Variants in NBEA observed in about 807,000 individuals in gnomAD.
NBEA encodes lysosomal-trafficking regulator 2.
A neutral mutation model predicts 343.4 loss-of-function variants in NBEA; 44 were observed. The observed-to-expected ratio is 0.13, with a 90% confidence interval of 0.10 to 0.16. NBEA has a LOEUF of 0.16. Among genes scored for constraint, NBEA ranks in the 10% least tolerant of loss-of-function variants. NBEA has a pLI of 1.00. For missense variants in NBEA, 2,555 were observed against 3,631.3 expected, an observed-to-expected ratio of 0.70 and a Z score of 7.62; for synonymous variants, 1,175 against 1,238.7, an observed-to-expected ratio of 0.95 and a Z score of 1.08.
At chr13:35,136,274 T>G (rs948276797) in intron 17 of NBEA, among the ~76,000 whole-genome samples, 5 of 152,200 alleles carry the variant, frequency 3.3e-5, no homozygotes, top group African/African-American at 1.2e-4. Context: ...ATTAGAGTGA[T>G]AGGAATTGAT....
At chr13:35,652,888 G>T (rs2084625166) in intron 53 of NBEA, among the ~76,000 whole-genome samples, 1 of 150,006 alleles carries the variant, frequency 6.7e-6, no homozygotes, top group African/African-American at 2.5e-5. Flanking sequence ...TGGAGTCAGG[G>T]TTTCACCGTG....
In NBEA at chr13:35,007,308, T is replaced by TA. The variant is rs539274154; in HGVS notation, c.295-33624dup. 2.4e-3 allele frequency among the ~76,000 whole-genome samples: 358 copies of TA among 152,310 alleles called. 2 individuals carry two copies. The highest frequency in any genetic ancestry group is 3.4e-3 in the Non-Finnish European group (229 of 68,032). On this transcript the variant is annotated intron_variant, in intron 1 of 58. Transcript: ENST00000379939. ...CCCTCTGTTTTTATCCTTATGTCCT[T>TA]ACTATGTCCATATGACTGAATTTTT...
At position 35,671,131 on chromosome 13, in the gene NBEA, G is replaced by A. The variant is rs1566489979; in HGVS notation, c.*140G>A. The A allele has an allele frequency of 3.3e-6, 2 of 599,432 alleles. No individual in the cohort carries two copies. Among genetic ancestry groups the A allele is most frequent in the Non-Finnish European group, 5.9e-6 (2 of 337,360 alleles). The allele number at this position is 599,432 out of a possible 1,614,324, so 37.1% of individuals were successfully genotyped here. On this transcript the variant is annotated 3_prime_UTR_variant, in exon 59 of 59. Coordinates refer to ENST00000379939, the MANE Select transcript of NBEA (RefSeq NM_001385012.1). ...TCACACCCAGCAATAGCTGTACATT[G>A]TAGTCAGCAACCATTTTACTTTGTG...
chr13:34,982,269 T>C (rs1191632036), intron 1 of NBEA, among the ~76,000 whole-genome samples: 1 of 152,026 alleles, frequency 6.6e-6, no homozygotes, highest in Non-Finnish European at 1.5e-5. Context: ...AGTGTTGTTT[T>C]TGAAGGCATT....
Position 35,085,636 on chromosome 13 carries a change from G to T in NBEA, c.1572-12661G>T, listed in dbSNP as rs190630191. Among the ~76,000 whole-genome samples, 21 of 152,124 alleles carry T rather than the reference G, an allele frequency of 1.4e-4. No homozygotes were observed. The East Asian group carries it at 3.9e-3, about 28-fold the overall frequency. On this transcript the variant is annotated intron_variant, in intron 10 of 58. Coordinates refer to ENST00000379939, the MANE Select transcript of NBEA (RefSeq NM_001385012.1). Reference sequence around the variant, plus strand: ...CCCACAGCCAATATCATACTGAATGGGCAAAAACTGGAATCATTCCCTTTG... The same window carrying T: ...CCCACAGCCAATATCATACTGAATGTGCAAAAACTGGAATCATTCCCTTTG...
At chr13:35,336,670 A>G (rs910447447) in intron 36 of NBEA, among the ~76,000 whole-genome samples, 1 of 152,112 alleles carries the variant, frequency 6.6e-6, no homozygotes, top group African/African-American at 2.4e-5. Flanking sequence ...CGGTACATAT[A>G]CACTGTATTA....
At chr13:34,996,740 TAGGAAGACTCACTATTAA>T (rs1436248727) in intron 1 of NBEA, among the ~76,000 whole-genome samples, 2 of 152,070 alleles carry the variant, frequency 1.3e-5, no homozygotes, top group Non-Finnish European at 2.9e-5. Context: ...GATTTTGTTT[TAGGAAGACTCACTATTAA>T]ATGTGTGTGT....
At chr13:35,536,707 G>T (rs189788710) in intron 41 of NBEA, among the ~76,000 whole-genome samples, 27 of 152,280 alleles carry the variant, frequency 1.8e-4, no homozygotes, top group Non-Finnish European at 3.5e-4. Context: ...GATTCTGGTG[G>T]TCTCCAAGGT....
chr13:35,595,887 AT>A (rs775229546), intron 47 of NBEA, among the ~76,000 whole-genome samples: 8 of 150,214 alleles, frequency 5.3e-5, no homozygotes, highest in East Asian at 2.0e-4. Context: ...TTTAGTTTGC[AT>A]TTTTTTTTGA....
chr13:35,449,901 C>T (rs573603513), intron 39 of NBEA, among the ~76,000 whole-genome samples: 10 of 152,130 alleles, frequency 6.6e-5, no homozygotes, highest in East Asian at 3.9e-4. Flanking sequence ...ATTTAAGGTA[C>T]GCATTAACCA....
At chr13:35,093,623 G>T (rs2065192290) in intron 10 of NBEA, among the ~76,000 whole-genome samples, 1 of 151,954 alleles carries the variant, frequency 6.6e-6, no homozygotes, top group Non-Finnish European at 1.5e-5. Context: ...ATTAGAGTAT[G>T]CATAAATAGT....
At chr13:35,389,139 C>A (rs766385012) in intron 38 of NBEA, among the ~76,000 whole-genome samples, 7 of 151,458 alleles carry the variant, frequency 4.6e-5, no homozygotes, top group Non-Finnish European at 1.0e-4. Context: ...GAAATCAATT[C>A]TTGGTCTAAC....
At chr13:35,381,691 C>A (rs1267409638) in intron 38 of NBEA, among the ~76,000 whole-genome samples, 1 of 151,998 alleles carries the variant, frequency 6.6e-6, no homozygotes, top group African/African-American at 2.4e-5. Context: ...CTGGTTCTAC[C>A]TGGTTCTGTA....
At chr13:35,483,309 G>A (rs2076188222) in intron 41 of NBEA, among the ~76,000 whole-genome samples, 1 of 151,834 alleles carries the variant, frequency 6.6e-6, no homozygotes, top group African/African-American at 2.4e-5. Context: ...AACATTTGAG[G>A]CATATTTGTA....
chr13:34,953,119 GTTATC>G (rs1220824659), intron 1 of NBEA, among the ~76,000 whole-genome samples: 1 of 152,124 alleles, frequency 6.6e-6, no homozygotes, highest in African/African-American at 2.4e-5. Flanking sequence ...TATGACCTAT[GTTATC>G]TTATTTAATC....
chr13:35,532,825 A>G (rs2078331566), intron 41 of NBEA, among the ~76,000 whole-genome samples: 1 of 152,126 alleles, frequency 6.6e-6, no homozygotes, highest in South Asian at 2.1e-4. Flanking sequence ...GTTTCAGTTT[A>G]CTAAGTTGCA....
intron 20 of NBEA, among the ~76,000 whole-genome samples, chr13:35,156,769 G>A (rs1186783100): frequency 6.6e-6 from 1 of 152,122 alleles, no homozygotes; most frequent in Admixed American, 6.6e-5. Flanking sequence ...AAACCATAAA[G>A]CAATGATTAA....
intron 41 of NBEA, among the ~76,000 whole-genome samples, chr13:35,512,825 C>T (rs2077329871): frequency 6.6e-6 from 1 of 152,152 alleles, no homozygotes; most frequent in African/African-American, 2.4e-5. Flanking sequence ...AGGTACCTTG[C>T]GGTCCTCATA....
chr13:35,278,882 A>G (rs1054139454), intron 34 of NBEA, among the ~76,000 whole-genome samples: 7 of 152,056 alleles, frequency 4.6e-5, no homozygotes, highest in Admixed American at 2.0e-4. Flanking sequence ...GCTACATACA[A>G]TATGTAAAAG....
Sources: allele counts gnomAD v4.1 joint callset (sites outside exome capture counted in the v4.1 genomes callset), GRCh38; gene constraint gnomAD v4.1.1; transcripts MANE v1.5; gene names NCBI Gene and HGNC (gene_info 2026-07-23, HGNC 2026-07-21).